The following ISM1 variants were observed in gnomAD, a reference collection of about 807,000 sequenced individuals.
The protein encoded by ISM1 is isthmin 1, also known as isthmin-1.
In ISM1, 25 loss-of-function variants were observed where a neutral mutation model predicts 46.3. The ratio of observed to expected loss-of-function variants is 0.54; its 90% CI spans 0.39 to 0.75. The LOEUF is 0.75. Among genes scored for constraint, ISM1 ranks in the 30% least tolerant of loss-of-function variants. The pLI is 0.00. For synonymous variants in ISM1, 255 were observed against 256.7 expected (o/e 0.99, Z 0.06); for missense variants, 536 against 625.4 (o/e 0.86, Z 1.52).
intron 1 of ISM1, among the ~76,000 whole-genome samples, chr20:13,246,320 C>T (rs915971027): frequency 6.6e-6 from 1 of 151,744 alleles, no homozygotes; most frequent in African/African-American, 2.4e-5. Flanking sequence ...TAGAAATGGG[C>T]CCACTTCTGA....
At chr20:13,264,233 G>A (rs1216459013) in intron 1 of ISM1, among the ~76,000 whole-genome samples, 1 of 152,156 alleles carries the variant, frequency 6.6e-6, no homozygotes, top group Non-Finnish European at 1.5e-5. Context: ...CTGCCTGATT[G>A]TGTTAATCTG....
At chr20:13,279,042 G>T (rs2040210278) in intron 2 of ISM1, among the ~76,000 whole-genome samples, 1 of 152,158 alleles carries the variant, frequency 6.6e-6, no homozygotes, top group African/African-American at 2.4e-5. Context: ...GAATCACATG[G>T]CTAATGCAGA....
the ISM1 span, among the ~76,000 whole-genome samples, chr20:13,325,474 G>A: frequency 1.3e-5 from 2 of 152,048 alleles, no homozygotes; most frequent in Non-Finnish European, 2.9e-5. Context: ...TGTCATGAGA[G>A]GGTCCACAGT....
chr20:13,316,863 AAGATTAGGT>A, the ISM1 span, among the ~76,000 whole-genome samples: 2 of 151,950 alleles, frequency 1.3e-5, no homozygotes, highest in Non-Finnish European at 2.9e-5. Context: ...CTTTCCCACT[AAGATTAGGT>A]ACAAAGCAAA....
chr20:13,274,580 C>T (rs2040154866), intron 2 of ISM1, among the ~76,000 whole-genome samples: 1 of 152,182 alleles, frequency 6.6e-6, no homozygotes, highest in Admixed American at 6.5e-5. Flanking sequence ...GTTTCCCACG[C>T]TCCAGGGCTA....
intron 2 of ISM1, among the ~76,000 whole-genome samples, chr20:13,272,484 A>G (rs563420959): frequency 2.6e-5 from 4 of 152,358 alleles, no homozygotes; most frequent in Middle Eastern, 3.4e-3. Context: ...TGGAGGGATC[A>G]TGAAGACAGA....
At position 13,264,802 on chromosome 20, in the gene ISM1, C is replaced by T. The variant is rs540945239; in HGVS notation, c.139-5702C>T. On this transcript the variant is annotated intron_variant, in intron 1 of 5. Transcript: ENST00000262487. ...GATTTGTCATCTGAGAAAAACTGCA[C>T]CCAGCCTAAAGATGAGAGGTTTTCT... Among the ~76,000 whole-genome samples, 3 of 152,302 alleles carry T rather than the reference C, an allele frequency of 2.0e-5. No homozygotes were observed. In the South Asian group the frequency reaches 6.2e-4, roughly 32 times the overall value.
At chr20:13,236,334 C>T (rs912577859) in intron 1 of ISM1, among the ~76,000 whole-genome samples, 2 of 152,158 alleles carry the variant, frequency 1.3e-5, no homozygotes, top group Non-Finnish European at 2.9e-5. Flanking sequence ...CTGGGATATT[C>T]ATTGAGTTAG....
chr20:13,237,342 A>G (rs535775576), intron 1 of ISM1, among the ~76,000 whole-genome samples: 16 of 152,348 alleles, frequency 1.1e-4, no homozygotes, highest in Admixed American at 4.6e-4. Flanking sequence ...AACAACCCCA[A>G]TGCCATCAAC....
At chr20:13,294,760 C>T (rs1292123806) in intron 5 of ISM1, among the ~76,000 whole-genome samples, 2 of 152,200 alleles carry the variant, frequency 1.3e-5, no homozygotes, top group African/African-American at 4.8e-5. Flanking sequence ...GGCAGCACCT[C>T]GACACTCTTG....
the ISM1 span, among the ~76,000 whole-genome samples, chr20:13,317,245 C>T: frequency 6.6e-6 from 1 of 151,552 alleles, no homozygotes; most frequent in Non-Finnish European, 1.5e-5. Context: ...AAGATCTACA[C>T]CAAAAAAACA....
chr20:13,299,078 C>G lies in ISM1; in HGVS notation c.1014C>G (p.Phe338Leu), dbSNP rs757051405. 1.9e-6 allele frequency: 3 copies of G among 1,613,816 alleles called. No homozygotes were observed. Among genetic ancestry groups the G allele is most frequent in the Non-Finnish European group, 2.5e-6 (3 of 1,179,846 alleles). The change falls in exon 6 of 6, where the codon TTC becomes TTG. Residue 338 changes from phenylalanine to leucine, a missense_variant. This residue lies in a region of ISM1 where 169 missense variants were observed against 249.3 expected (regional missense o/e 0.68). Coordinates refer to ENST00000262487, the MANE Select transcript of ISM1 (RefSeq NM_080826.2). The surrounding 1 kb of genome is among the most constrained non-coding windows in gnomAD (Gnocchi z 5.8). ...TEVAYSTADI[F>L]DRIKRKDFRW... ...TGGCCTACAGCACGGCCGACATCTT[C>G]GACCGCATCAAGCGCAAGGACTTCC...
At chr20:13,285,870 G>T (rs2040286285) in intron 3 of ISM1, among the ~76,000 whole-genome samples, 2 of 152,192 alleles carry the variant, frequency 1.3e-5, no homozygotes, top group Admixed American at 1.3e-4. Flanking sequence ...CAAAGTTCAG[G>T]GGTGATGTCT....
chr20:13,270,337 A>G (rs1396990622), intron 1 of ISM1, among the ~76,000 whole-genome samples, 167 bp from the exon 2 acceptor site: 1 of 152,250 alleles, frequency 6.6e-6, no homozygotes, highest in East Asian at 1.9e-4. Context: ...GGCTTTTAAG[A>G]CATGAAGAAA....
At chr20:13,265,390 C>T (rs188347358) in intron 1 of ISM1, among the ~76,000 whole-genome samples, 8 of 152,280 alleles carry the variant, frequency 5.3e-5, no homozygotes, top group East Asian at 3.9e-4. Context: ...CTGGATTTCT[C>T]TCCTTCATGA....
At chr20:13,303,510 T>C (rs974907158), downstream of ISM1, among the ~76,000 whole-genome samples, 2 of 152,186 alleles carry the variant, frequency 1.3e-5, no homozygotes, top group African/African-American at 4.8e-5. Context: ...GCCTGTTAGG[T>C]AGAGCTCAGG....
chr20:13,234,796 G>A (rs771051602), intron 1 of ISM1, among the ~76,000 whole-genome samples: 8 of 152,060 alleles, frequency 5.3e-5, no homozygotes, highest in Admixed American at 4.6e-4. Flanking sequence ...ACTTTTTAAC[G>A]AGGTCATTTG....
intron 1 of ISM1, among the ~76,000 whole-genome samples, chr20:13,265,957 C>T (rs1288188158): frequency 6.6e-6 from 1 of 152,196 alleles, no homozygotes; most frequent in Non-Finnish European, 1.5e-5. Flanking sequence ...CCTCCATCCT[C>T]AGGCCTGCCA....
chr20:13,298,211 T>C (rs547612703), intron 5 of ISM1, among the ~76,000 whole-genome samples: 1 of 152,354 alleles, frequency 6.6e-6, no homozygotes, highest in African/African-American at 2.4e-5. Context: ...GTTCAAGCGA[T>C]TCTCCTGCCT....
Sources: gnomAD v4.1 joint callset for allele counts (sites outside exome capture counted in the v4.1 genomes callset) on GRCh38, gnomAD v4.1.1 for gene constraint, gnomAD v4.1.1 regional missense constraint, Gnocchi (gnomAD v3.1) non-coding constraint, MANE v1.5 for transcripts, NCBI Gene and HGNC (gene_info 2026-07-23, HGNC 2026-07-21) for gene names.